PPIP5K1: variants seen among roughly 807,000 people sequenced by gnomAD.
The protein encoded by PPIP5K1 is diphosphoinositol pentakisphosphate kinase 1, also known as inositol hexakisphosphate and diphosphoinositol-pentakisphosphate kinase 1.
Under a neutral mutation model 27.7 loss-of-function variants are expected in PPIP5K1, and 6 were observed. The observed-to-expected ratio is 0.22, with a 90% CI of 0.12 to 0.43. The LOEUF (loss-of-function observed/expected upper bound fraction) is 0.43, where lower values mean the gene tolerates loss of function less well. Among genes scored for constraint, PPIP5K1 ranks in the 20% least tolerant of loss-of-function variants. The pLI, the probability that PPIP5K1 is intolerant of heterozygous loss-of-function variation, is 1.00. For synonymous variants in PPIP5K1, 145 were observed against 242.6 expected (o/e 0.60, Z 3.74); for missense variants, 394 against 635.4 (o/e 0.62, Z 4.08).
rs778058316 is a variant in PPIP5K1, at chr15:43,534,811, C to T, written c.4336G>A (p.Glu1446Lys). The change falls in exon 32 of 32, where the codon GAG (glutamate) becomes AAG (lysine). Residue 1446 changes from glutamate (E) to lysine (K), a missense_variant. Physicochemically the swap from Glu to Lys is moderately conservative, Grantham distance 56. Transcript: ENST00000420765. ...VIQPYQEFSV[E>K]VGRLAQETSA... Reference sequence around the variant, plus strand: ...GTCTCCTGGGCCAGCCTGCCAACCTCCACAGAGAACTCCTGGTATGGCTGG... The same window carrying T: ...GTCTCCTGGGCCAGCCTGCCAACCTTCACAGAGAACTCCTGGTATGGCTGG... 1.2e-6 allele frequency: 2 copies of T among 1,608,330 alleles called. No individual in the cohort carries two copies. The highest frequency in any genetic ancestry group is 8.5e-7 in the Non-Finnish European group (1 of 1,176,930).
intron 31 of PPIP5K1, 52 bp from the exon 32 acceptor site, chr15:43,535,528 T>G: frequency 3.6e-6 from 5 of 1,388,594 alleles, no homozygotes; most frequent in Non-Finnish European, 4.9e-6. Flanking sequence ...GAGTAGGCTC[T>G]ACCCTGTGCA....
intron 30 of PPIP5K1, among the ~76,000 whole-genome samples, chr15:43,544,730 G>C (rs1162760285): frequency 6.6e-6 from 1 of 151,812 alleles, no homozygotes; most frequent in Non-Finnish European, 1.5e-5. Flanking sequence ...CAGGATTCCA[G>C]CCTTCAGTGA....
At chr15:43,556,573 G>A (rs558051260) in intron 30 of PPIP5K1, among the ~76,000 whole-genome samples, 4 of 152,004 alleles carry the variant, frequency 2.6e-5, no homozygotes, top group African/African-American at 9.7e-5. Context: ...CTGAGGCCAG[G>A]CACAGGTTGT....
chr15:43,534,907 C>T lies in PPIP5K1; in HGVS notation c.4240G>A (p.Val1414Ile). The stretch of plus-strand genomic sequence containing the variant: ...AGGGTTTCCTGGACCAAGCTACCAA[C>T]CCCTACATGGAACTTATGGACCAGC... Reference protein sequence around the residue: ...GKLVHKFHVGVGSLVQETLVE... With the variant: ...GKLVHKFHVGIGSLVQETLVE... Residue 1414 changes from valine (V) to isoleucine (I), a missense_variant, in exon 32 of 32, where the codon GTT becomes ATT. Val to Ile is a conservative substitution (Grantham distance 29). Around this residue, in one of 4 missense-constraint regions of PPIP5K1, gnomAD observed 379 missense variants for 423.9 expected, o/e 0.89. Coordinates refer to ENST00000420765, the MANE Select transcript of PPIP5K1 (RefSeq NM_001394395.1). The T allele has an allele frequency of 2.5e-6, 4 of 1,614,164 alleles. No individual in the cohort carries two copies. Among genetic ancestry groups the T allele is most frequent in the South Asian group, 2.2e-5 (2 of 91,080 alleles).
rs2083402914 is a variant in PPIP5K1 at position 43,558,881 on chromosome 15, T to C, written c.3470A>G (p.His1157Arg). 1.2e-6 allele frequency: 2 copies of C among 1,613,906 alleles called. No homozygotes were observed. Among genetic ancestry groups the C allele is most frequent in the Non-Finnish European group, 1.7e-6 (2 of 1,180,014 alleles). ...CACTTGACGTAGGGAAAGGGCATTA[T>C]GCAGTGTTTCCAGAGGGTAGATGGT... ...VPTIYPLETL[H>R]NALSLRQVSE... Residue 1157 changes from histidine (H) to arginine (R), a missense_variant, in exon 30 of 32, where the codon CAT becomes CGT. Coordinates refer to ENST00000420765, the MANE Select transcript of PPIP5K1 (RefSeq NM_001394395.1).
chr15:43,544,674 T>TA (rs2081151411), intron 30 of PPIP5K1, among the ~76,000 whole-genome samples: 1 of 152,182 alleles, frequency 6.6e-6, no homozygotes, highest in Middle Eastern at 3.2e-3. Flanking sequence ...CACATGCCTG[T>TA]AGTCCCAGCT....
chr15:43,552,528 T>TAAAAAAAAA (rs535937209), intron 30 of PPIP5K1, among the ~76,000 whole-genome samples: 1 of 69,420 alleles, frequency 1.4e-5, no homozygotes. Context: ...TCTGTCTCTA[T>TAAAAAAAAA]AAAAAAAAAA....
At position 43,534,884 on chromosome 15, in the gene PPIP5K1, G is replaced by A; in HGVS notation, c.4263C>T (p.Thr1421=). ...HVGVGSLVQE[T]LVEVGSPAEE... The stretch of plus-strand genomic sequence containing the variant: ...CAGCTGGGCTGCCAACTTCTACAAG[G>A]GTTTCCTGGACCAAGCTACCAACCC... The change falls in exon 32 of 32, where the codon ACC becomes ACT. Residue 1421 remains threonine (T), a synonymous_variant. Coordinates refer to ENST00000420765, the MANE Select transcript of PPIP5K1 (RefSeq NM_001394395.1). 3.7e-6 allele frequency: 6 copies of A among 1,614,022 alleles called. No individual in the cohort carries two copies. The highest frequency in any genetic ancestry group is 5.1e-6 in the Non-Finnish European group (6 of 1,179,980).
In PPIP5K1 at chr15:43,535,317, C is replaced by T; in HGVS notation, c.3830G>A (p.Ser1277Asn). ...TTCTATGGAGAGCTCTTGTGCTCCA[C>T]TCCCAGGGGTCTCCTGGAGCAGCCC... ...GLGLLQETPG[S>N]GAQELSIEGE... Residue 1277 changes from serine (S) to asparagine (N), a missense_variant, in exon 32 of 32, where the codon AGT becomes AAT. Transcript: ENST00000420765. The T allele has an allele frequency of 6.2e-7, 1 of 1,614,200 alleles. No individual in the cohort carries two copies. Among genetic ancestry groups the T allele is most frequent in the Middle Eastern group, 1.6e-4 (1 of 6,062 alleles).
intron 30 of PPIP5K1, among the ~76,000 whole-genome samples, chr15:43,542,519 G>A (rs1201675986): frequency 6.6e-6 from 1 of 152,046 alleles, no homozygotes; most frequent in East Asian, 1.9e-4. Flanking sequence ...TCGAACTCCT[G>A]AACTCAAGTG....
At chr15:43,542,394 C>T (rs573620767) in intron 30 of PPIP5K1, among the ~76,000 whole-genome samples, 32 of 151,578 alleles carry the variant, frequency 2.1e-4, no homozygotes, top group Non-Finnish European at 3.4e-4. Context: ...CAGGTTCAAG[C>T]GATCCTCCAA....
At position 43,534,893 on chromosome 15, in the gene PPIP5K1, GACCAAGCT is replaced by G. The variant is rs1392364321; in HGVS notation, c.4246_4253del (p.Ser1416ProfsTer12). The stretch of plus-strand genomic sequence containing the variant: ...TGCCAACTTCTACAAGGGTTTCCTG[GACCAAGCT>G]ACCAACCCCTACATGGAACTTATGG... On this transcript the variant is annotated frameshift_variant, in exon 32 of 32. Coordinates refer to ENST00000420765, the MANE Select transcript of PPIP5K1 (RefSeq NM_001394395.1). LOFTEE classifies it low-confidence loss of function (END_TRUNC). 1 of 1,614,060 alleles carries G rather than the reference GACCAAGCT, an allele frequency of 6.2e-7. No individual in the cohort carries two copies. Among genetic ancestry groups the G allele is most frequent in the South Asian group, 1.1e-5 (1 of 91,068 alleles).
At chr15:43,552,046 C>G (rs1012470538) in intron 30 of PPIP5K1, among the ~76,000 whole-genome samples, 4 of 151,742 alleles carry the variant, frequency 2.6e-5, no homozygotes, top group Admixed American at 1.3e-4. Flanking sequence ...CTCTCCCTTC[C>G]AGGCATAAGC....
chr15:43,536,421 A>AC (rs796672567), intron 31 of PPIP5K1, among the ~76,000 whole-genome samples: 7 of 143,596 alleles, frequency 4.9e-5, no homozygotes, highest in African/African-American at 1.8e-4. Context: ...TCTGTCTCAG[A>AC]AAAAAAAAAA....
At chr15:43,543,928 G>A (rs1372891837) in intron 30 of PPIP5K1, among the ~76,000 whole-genome samples, 2 of 151,860 alleles carry the variant, frequency 1.3e-5, no homozygotes, top group African/African-American at 4.8e-5. Context: ...TCCCACCAAA[G>A]AACTGATAAA....
intron 30 of PPIP5K1, among the ~76,000 whole-genome samples, chr15:43,552,872 G>A (rs2082408635): frequency 6.6e-6 from 1 of 151,850 alleles, no homozygotes; most frequent in Non-Finnish European, 1.5e-5. Context: ...GTGAAACCTC[G>A]TCGCTACTAA....
At position 43,551,133 on chromosome 15, in the gene PPIP5K1, A is replaced by C. The variant is rs151334409; in HGVS notation, c.3556+7662T>G. The stretch of plus-strand genomic sequence containing the variant: ...TCTTCAATTTTTTTGGAAGAGCGTG[A>C]GTAGACTGAGTTACTTCTTTAAATA... On this transcript the variant is annotated intron_variant, in intron 30 of 31. Coordinates refer to ENST00000420765, the MANE Select transcript of PPIP5K1 (RefSeq NM_001394395.1). Among the ~76,000 whole-genome samples the C allele has an allele frequency of 4.2e-3, 634 of 152,290 alleles. 3 individuals are homozygous for C. The highest frequency in any genetic ancestry group is 0.014 in the African/African-American group (600 of 41,556).
chr15:43,537,535 A>T (rs1436784179), intron 31 of PPIP5K1, among the ~76,000 whole-genome samples: 1 of 149,602 alleles, frequency 6.7e-6, no homozygotes, highest in Non-Finnish European at 1.5e-5. Context: ...CTAAAAATAC[A>T]AAAATTAGCC....
At chr15:43,551,035 T>G (rs983679365) in intron 30 of PPIP5K1, among the ~76,000 whole-genome samples, 1 of 152,340 alleles carries the variant, frequency 6.6e-6, no homozygotes, top group South Asian at 2.1e-4. Flanking sequence ...CCTCTATAAT[T>G]AAGGGATATT....
Sources: allele counts gnomAD v4.1 joint callset (sites outside exome capture counted in the v4.1 genomes callset), GRCh38; gene constraint gnomAD v4.1.1; regional missense constraint gnomAD v4.1.1; transcripts MANE v1.5; gene names NCBI Gene and HGNC (gene_info 2026-07-23, HGNC 2026-07-21).